Variants in DOCK11 observed in about 807,000 individuals in gnomAD.
DOCK11 encodes dedicator of cytokinesis 11.
Under a neutral mutation model 169.1 loss-of-function variants are expected in DOCK11, and 70 were observed. The observed-to-expected ratio is 0.41, with a 90% CI of 0.34 to 0.51. DOCK11 has a LOEUF of 0.51. Ranked by LOEUF, DOCK11 falls within the 20% of genes least tolerant of loss-of-function variation. The pLI, the probability that DOCK11 is intolerant of heterozygous loss-of-function variation, is 0.10. For missense variants in DOCK11, 1,166 were observed against 1,538.8 expected, an observed-to-expected ratio of 0.76 and a Z score of 4.05; for synonymous variants, 529 against 541.3, an observed-to-expected ratio of 0.98 and a Z score of 0.32.
At chrX:118,620,061 C>T (rs909984282) in intron 31 of DOCK11, among the ~76,000 whole-genome samples, 32 of 110,644 alleles carry the variant, frequency 2.9e-4, no homozygotes, top group African/African-American at 1.0e-3. Context: ...CATGATCCGC[C>T]CCCCTCAGTC....
intron 6 of DOCK11, among the ~76,000 whole-genome samples, chrX:118,551,499 A>T (rs2012491364): frequency 8.9e-6 from 1 of 111,835 alleles, no homozygotes; most frequent in African/African-American, 3.2e-5. Flanking sequence ...GGGAGTTCGA[A>T]ACTAGCCTGG....
chrX:118,613,916 AAAG>A (rs1323839359), intron 28 of DOCK11, among the ~76,000 whole-genome samples: 1 of 112,411 alleles, frequency 8.9e-6, no homozygotes, highest in Non-Finnish European at 1.9e-5. Flanking sequence ...TAAGTTGGGA[AAAG>A]ACTATGAGTG....
Position 118,495,827 on chromosome X carries a change from G to C in DOCK11, c.-145G>C. ...GGGAGGGAGGAGCAGCGTGAGCCGC[G>C]CCGCCGCCGAGCTGCGATGTGGCCG... On this transcript the variant is annotated 5_prime_UTR_variant, in exon 1 of 53. Coordinates refer to ENST00000276202, the MANE Select transcript of DOCK11 (RefSeq NM_144658.4). 5.6e-6 allele frequency: 1 copy of C among 179,794 alleles called. No individual in the cohort carries two copies. Among genetic ancestry groups the C allele is most frequent in the Non-Finnish European group, 9.7e-6 (1 of 102,767 alleles). The allele number at this position is 179,794 out of a possible 1,213,427, so 14.8% of individuals were successfully genotyped here.
chrX:118,523,431 T>C (rs2011305309), intron 1 of DOCK11, among the ~76,000 whole-genome samples: 1 of 112,208 alleles, frequency 8.9e-6, no homozygotes, highest in South Asian at 3.7e-4. Flanking sequence ...GCTTCCTAGG[T>C]AAGAAGATTT....
chrX:118,634,723 A>T (rs1381200482), intron 35 of DOCK11, among the ~76,000 whole-genome samples: 1 of 111,648 alleles, frequency 9.0e-6, no homozygotes, highest in Non-Finnish European at 1.9e-5. Context: ...CTTGATATAT[A>T]TTTTTTTAAT....
At chrX:118,501,472 C>T (rs1447110521) in intron 1 of DOCK11, among the ~76,000 whole-genome samples, 3 of 111,995 alleles carry the variant, frequency 2.7e-5, no homozygotes, top group African/African-American at 9.8e-5. Context: ...GGCGACACAG[C>T]GATACTCCGA....
intron 1 of DOCK11, among the ~76,000 whole-genome samples, chrX:118,542,520 T>TTTATG (rs149027952): frequency 1.4e-4 from 15 of 103,950 alleles, no homozygotes; most frequent in African/African-American, 5.2e-4. Flanking sequence ...GTGTGTGTGT[T>TTTATG]TGTGTGTGTG....
chrX:118,527,815 C>A (rs2011411517), intron 1 of DOCK11, among the ~76,000 whole-genome samples: 1 of 111,885 alleles, frequency 8.9e-6, no homozygotes, highest in Non-Finnish European at 1.9e-5. Context: ...TTCTGGGAAG[C>A]TGTGAACCCT....
intron 44 of DOCK11, among the ~76,000 whole-genome samples, chrX:118,656,267 T>TAATA (rs749224053): frequency 0.012 from 1,316 of 108,105 alleles, 23 homozygotes; most frequent in African/African-American, 0.035. Context: ...TCTCAAAAAA[T>TAATA]AATAAATAAA....
Position 118,495,877 on chromosome X carries a change from A to C in DOCK11, c.-95A>C. On this transcript the variant is annotated 5_prime_UTR_variant, in exon 1 of 53. Coordinates refer to ENST00000276202, the MANE Select transcript of DOCK11 (RefSeq NM_144658.4). ...GGCCGGCCGGCGAGTAAACAGAGGG[A>C]GCAGCAGCGGCCGCGGCCGCCGCGG... 1 of 401,723 alleles carries C rather than the reference A, an allele frequency of 2.5e-6. No individual in the cohort carries two copies. The highest frequency in any genetic ancestry group is 9.5e-5 in the East Asian group (1 of 10,572). The allele number at this position is 401,723 out of a possible 1,213,427, so 33.1% of individuals were successfully genotyped here.
At chrX:118,559,213 T>C (rs993472284) in intron 6 of DOCK11, among the ~76,000 whole-genome samples, 1 of 111,654 alleles carries the variant, frequency 9.0e-6, no homozygotes, top group African/African-American at 3.3e-5. Flanking sequence ...GTGAGGCAGC[T>C]GTATGTGAAA....
At chrX:118,573,261 C>G (rs1316062601) in intron 11 of DOCK11, among the ~76,000 whole-genome samples, 8 of 112,724 alleles carry the variant, frequency 7.1e-5, no homozygotes, top group Admixed American at 4.7e-4. Flanking sequence ...TTTATGCCAT[C>G]TGGCATGAAA....
At chrX:118,621,248 G>A (rs2014963864) in intron 31 of DOCK11, among the ~76,000 whole-genome samples, 1 of 112,180 alleles carries the variant, frequency 8.9e-6, no homozygotes, top group Non-Finnish European at 1.9e-5. Context: ...CGTGGGCTTG[G>A]TTAACCAAAG....
At chrX:118,653,820 A>T (rs1320488098) in intron 42 of DOCK11, among the ~76,000 whole-genome samples, 1 of 112,021 alleles carries the variant, frequency 8.9e-6, no homozygotes, top group Non-Finnish European at 1.9e-5. Context: ...TCATATAGAT[A>T]ATTGTGATTA....
In DOCK11 at chrX:118,656,932, A is replaced by AAAT. The variant is rs201901733; in HGVS notation, c.4969+1982_4969+1984dup. ...GGGCAATGAGAACAAAACTCCATCT[A>AAAT]AATAATAATAATAGCAGTAGAAATC... On this transcript the variant is annotated intron_variant, in intron 44 of 52. Coordinates refer to ENST00000276202, the MANE Select transcript of DOCK11 (RefSeq NM_144658.4). Among the ~76,000 whole-genome samples the AAAT allele has an allele frequency of 8.0e-3, 896 of 111,946 alleles. 24 individuals carry two copies. The highest frequency in any genetic ancestry group is 0.045 in the Admixed American group (476 of 10,519).
At chrX:118,504,723 G>C (rs1170941773) in intron 1 of DOCK11, among the ~76,000 whole-genome samples, 1 of 111,975 alleles carries the variant, frequency 8.9e-6, no homozygotes, top group African/African-American at 3.2e-5. Context: ...AGAGGAGTTG[G>C]TGGGTAACAT....
Position 118,606,197 on chromosome X carries a change from G to T in DOCK11, c.2681+841G>T, listed in dbSNP as rs952872611. On this transcript the variant is annotated intron_variant, in intron 24 of 52. Coordinates refer to ENST00000276202, the MANE Select transcript of DOCK11 (RefSeq NM_144658.4). ...CGATTCTTCTGCCTCAGCTTCCCGA[G>T]TAGCTGGGATTACAGGCGCCCACCA... 1.1e-3 allele frequency among the ~76,000 whole-genome samples: 121 copies of T among 106,420 alleles called. 1 individual carries two copies. The highest frequency in any genetic ancestry group is 4.1e-3 in the African/African-American group (120 of 29,015). The allele number at this position is 106,420 out of a possible 115,157, so 92.4% of individuals were successfully genotyped here. A position where few individuals can be genotyped will look rare whatever the true frequency, so the allele number is the denominator to read the frequency against.
rs1456178796 is a variant in DOCK11, at chrX:118,648,020, A to AT, written c.4399-925_4399-924insT. ...AATATATTATTATAATATATAATAT[A>AT]AATTATAATATTATATAATAATATA... On this transcript the variant is annotated intron_variant, in intron 40 of 52. Transcript: ENST00000276202. 1.1e-4 allele frequency among the ~76,000 whole-genome samples: 4 copies of AT among 35,393 alleles called. 1 individual carries two copies. Among genetic ancestry groups the AT allele is most frequent in the African/African-American group, 5.9e-4 (4 of 6,819 alleles). The allele number at this position is 35,393 out of a possible 115,157, so 30.7% of individuals were successfully genotyped here. A position where few individuals can be genotyped will look rare whatever the true frequency, so the allele number is the denominator to read the frequency against.
intron 10 of DOCK11, chrX:118,569,338 C>T (rs775048306): frequency 2.7e-5 from 3 of 110,694 alleles, no homozygotes; most frequent in East Asian, 2.8e-4. Context: ...ATGATCCACC[C>T]GCCTTGGCCT....
Sources: gnomAD v4.1 joint callset for allele counts (sites outside exome capture counted in the v4.1 genomes callset) on GRCh38, gnomAD v4.1.1 for gene constraint, MANE v1.5 for transcripts, NCBI Gene and HGNC (gene_info 2026-07-23, HGNC 2026-07-21) for gene names.